The following SPRED2 variants were observed in gnomAD, a reference collection of about 807,000 sequenced individuals.
SPRED2 encodes the protein sprouty-related, EVH1 domain-containing protein 2.
In SPRED2, 47 loss-of-function variants were observed where a neutral mutation model predicts 43.0. The ratio of observed to expected loss-of-function variants is 1.09; its 90% confidence interval spans 0.87 to 1.40. The LOEUF (loss-of-function observed/expected upper bound fraction) is 1.40. SPRED2 is among the 40% of genes most tolerant of loss of function. The pLI, the probability that SPRED2 is intolerant of heterozygous loss-of-function variation, is 0.00. For synonymous variants in SPRED2, 225 were observed against 225.7 expected (o/e 1.00, Z 0.03); for missense variants, 561 against 586.4 (o/e 0.96, Z 0.45).
At chr2:65,342,547 GCT>G (rs1014081058) in intron 2 of SPRED2, among the ~76,000 whole-genome samples, 10 of 151,814 alleles carry the variant, frequency 6.6e-5, no homozygotes, top group African/African-American at 2.4e-4. Flanking sequence ...ACTGGTAGCA[GCT>G]CCTTGCACAT....
chr2:65,322,285 TA>T (rs1242640574), intron 4 of SPRED2, among the ~76,000 whole-genome samples: 29 of 106,906 alleles, frequency 2.7e-4, no homozygotes, highest in Non-Finnish European at 4.1e-4. Flanking sequence ...TATATATATA[TA>T]TATATATATT....
chr2:65,317,975 GCACCCAGTATGC>G (rs1308428699), intron 4 of SPRED2, among the ~76,000 whole-genome samples: 1 of 152,084 alleles, frequency 6.6e-6, no homozygotes, highest in Non-Finnish European at 1.5e-5. Context: ...GATCCCACAG[GCACCCAGTATGC>G]CACCTGATAT....
chr2:65,351,782 T>A (rs1490064142), intron 1 of SPRED2, among the ~76,000 whole-genome samples: 1 of 152,222 alleles, frequency 6.6e-6, no homozygotes, highest in Non-Finnish European at 1.5e-5. Flanking sequence ...GAATCAAATG[T>A]GTTGAGAAGC....
At chr2:65,393,277 C>G (rs965342850) in intron 1 of SPRED2, among the ~76,000 whole-genome samples, 3 of 151,750 alleles carry the variant, frequency 2.0e-5, no homozygotes, top group Non-Finnish European at 4.4e-5. Context: ...AAATCCAGAG[C>G]TGAAAATTGC....
chr2:65,362,473 T>G (rs1006409888), intron 1 of SPRED2, among the ~76,000 whole-genome samples: 1 of 152,062 alleles, frequency 6.6e-6, no homozygotes, highest in African/African-American at 2.4e-5. Context: ...GATTTCACTG[T>G]GTTAGCCAGG....
rs141993991 is a variant in SPRED2, at chr2:65,409,658, T to C, written c.26+22304A>G. On this transcript the variant is annotated intron_variant, in intron 1 of 5. Coordinates refer to ENST00000356388, the MANE Select transcript of SPRED2 (RefSeq NM_181784.3). Reference sequence around the variant, plus strand: ...CAAGAATTTTGTTTCCTGGCAAGACTGATTTGAGTGCTAATAAAACTCCAG... The same window carrying C: ...CAAGAATTTTGTTTCCTGGCAAGACCGATTTGAGTGCTAATAAAACTCCAG... Among the ~76,000 whole-genome samples the C allele has an allele frequency of 1.2e-4, 17 of 140,174 alleles. No homozygotes were observed. The East Asian group carries it at 3.4e-3, about 28-fold the overall frequency. 92.0% of individuals were successfully genotyped at this position (140,174 alleles called of 152,430 possible).
chr2:65,393,881 G>C (rs557023104), intron 1 of SPRED2, among the ~76,000 whole-genome samples: 1 of 152,226 alleles, frequency 6.6e-6, no homozygotes, highest in East Asian at 1.9e-4. Flanking sequence ...ACCCACAATG[G>C]AGTCAAAGCT....
At chr2:65,324,831 G>A (rs927159849) in intron 4 of SPRED2, among the ~76,000 whole-genome samples, 9 of 152,148 alleles carry the variant, frequency 5.9e-5, no homozygotes, top group African/African-American at 2.2e-4. Context: ...GTGTCTTCAG[G>A]ACGAGCCGGA....
chr2:65,397,493 A>C (rs996019872), intron 1 of SPRED2, among the ~76,000 whole-genome samples: 2 of 152,162 alleles, frequency 1.3e-5, no homozygotes, highest in South Asian at 4.1e-4. Context: ...CAAGCTTTTC[A>C]CAACTACCTA....
chr2:65,396,499 A>AT (rs1482196166), intron 1 of SPRED2, among the ~76,000 whole-genome samples: 3 of 152,260 alleles, frequency 2.0e-5, no homozygotes, highest in African/African-American at 7.2e-5. Context: ...ACGGTCCTGC[A>AT]TATAGCAGAA....
intron 1 of SPRED2, among the ~76,000 whole-genome samples, chr2:65,428,213 T>C (rs140529683): frequency 1.0e-3 from 156 of 152,346 alleles, no homozygotes; most frequent in Middle Eastern, 3.4e-3. Context: ...AAGCTTTACG[T>C]AGGCTGTCTC....
intron 1 of SPRED2, among the ~76,000 whole-genome samples, chr2:65,383,139 CA>C (rs1275763323): frequency 6.6e-6 from 1 of 152,210 alleles, no homozygotes; most frequent in Non-Finnish European, 1.5e-5. Flanking sequence ...TCTGTAAGCA[CA>C]AAAAGTAGGA....
chr2:65,397,634 A>C (rs1386184311), intron 1 of SPRED2, among the ~76,000 whole-genome samples: 1 of 132,660 alleles, frequency 7.5e-6, no homozygotes. Flanking sequence ...TTTGCCCTTT[A>C]CTCACAATAC....
In SPRED2 at chr2:65,312,790, C is replaced by G. The variant is rs1673105941; in HGVS notation, c.*711G>C. The stretch of plus-strand genomic sequence containing the variant: ...CTGAAGTTAAGGCTCAATTCTCAGT[C>G]TATTACGGGTGAATGTTTTGCATCA... On this transcript the variant is annotated 3_prime_UTR_variant, in exon 6 of 6. Coordinates refer to ENST00000356388, the MANE Select transcript of SPRED2 (RefSeq NM_181784.3). The G allele has an allele frequency of 4.1e-6, 4 of 985,826 alleles. No homozygotes were observed. The highest frequency in any genetic ancestry group is 2.4e-6 in the Non-Finnish European group (2 of 829,932). 61.1% of individuals were successfully genotyped at this position (985,826 alleles called of 1,614,324 possible).
intron 4 of SPRED2, among the ~76,000 whole-genome samples, chr2:65,327,869 G>A (rs563404824): frequency 2.4e-4 from 36 of 151,572 alleles, no homozygotes; most frequent in African/African-American, 6.8e-4. Flanking sequence ...GATTACAGGG[G>A]CCCGCCATCA....
intron 4 of SPRED2, among the ~76,000 whole-genome samples, chr2:65,324,581 T>G (rs1396503984): frequency 6.6e-6 from 1 of 152,154 alleles, no homozygotes; most frequent in Non-Finnish European, 1.5e-5. Context: ...CTTCCCTCTC[T>G]TATGGAGGGA....
At chr2:65,372,633 G>A (rs1675153074) in intron 1 of SPRED2, among the ~76,000 whole-genome samples, 1 of 152,174 alleles carries the variant, frequency 6.6e-6, no homozygotes, top group Non-Finnish European at 1.5e-5. Flanking sequence ...AAGTTCAAGG[G>A]ATTGGGTTAA....
At chr2:65,388,928 A>G (rs1675568600) in intron 1 of SPRED2, among the ~76,000 whole-genome samples, 1 of 152,134 alleles carries the variant, frequency 6.6e-6, no homozygotes. Context: ...CAAGCCACCA[A>G]TTCAGCCAAT....
At chr2:65,410,638 A>T (rs1676135015) in intron 1 of SPRED2, among the ~76,000 whole-genome samples, 1 of 152,016 alleles carries the variant, frequency 6.6e-6, no homozygotes, top group Admixed American at 6.5e-5. Flanking sequence ...GGGCGCCTGT[A>T]GTCCCAGCTA....
Sources: gnomAD v4.1 joint callset for allele counts (sites outside exome capture counted in the v4.1 genomes callset) on GRCh38, gnomAD v4.1.1 for gene constraint, MANE v1.5 for transcripts, NCBI Gene and HGNC (gene_info 2026-07-23, HGNC 2026-07-21) for gene names.